The following PAMR1 variants were observed in gnomAD, a reference collection of about 807,000 sequenced individuals.
The protein encoded by PAMR1 is inactive serine protease PAMR1.
A neutral mutation model predicts 81.8 loss-of-function variants in PAMR1; 88 were observed. The ratio of observed to expected loss-of-function variants is 1.08; its 90% confidence interval spans 0.91 to 1.28. The LOEUF (loss-of-function observed/expected upper bound fraction) is 1.28, where lower values mean the gene tolerates loss of function less well. Among genes scored for constraint, PAMR1 ranks in the 50% most tolerant of loss-of-function variants. PAMR1 has a pLI of 0.00. For missense variants in PAMR1, 935 were observed against 919.7 expected, an observed-to-expected ratio of 1.02 and a Z score of -0.21; for synonymous variants, 336 against 345.3, an observed-to-expected ratio of 0.97 and a Z score of 0.30.
At chr11:35,443,655 G>C (rs928738741) in intron 6 of PAMR1, among the ~76,000 whole-genome samples, 5 of 152,188 alleles carry the variant, frequency 3.3e-5, no homozygotes, top group Non-Finnish European at 5.9e-5. Context: ...ATTGTGACCA[G>C]TGATGCAATG....
At chr11:35,435,276 T>C (rs1856014408) in intron 9 of PAMR1, among the ~76,000 whole-genome samples, 1 of 152,216 alleles carries the variant, frequency 6.6e-6, no homozygotes, top group Admixed American at 6.5e-5. Context: ...GCTTAGTAAA[T>C]GCAGGCCCCT....
chr11:35,496,679 G>T (rs1177379749), intron 1 of PAMR1, among the ~76,000 whole-genome samples: 3 of 152,208 alleles, frequency 2.0e-5, no homozygotes, highest in Non-Finnish European at 2.9e-5. Flanking sequence ...GTGAAATGGT[G>T]CAGCCCCTAT....
intron 8 of PAMR1, among the ~76,000 whole-genome samples, chr11:35,436,684 A>G (rs1856055035): frequency 6.6e-6 from 1 of 151,814 alleles, no homozygotes; most frequent in Non-Finnish European, 1.5e-5. Flanking sequence ...ACACACACAC[A>G]CACACACTTT....
chr11:35,468,617 C>G (rs1856798228), intron 5 of PAMR1, among the ~76,000 whole-genome samples: 1 of 152,222 alleles, frequency 6.6e-6, no homozygotes, highest in Non-Finnish European at 1.5e-5. Context: ...ATGTGTTTTA[C>G]TAAGGGTTCT....
intron 1 of PAMR1, among the ~76,000 whole-genome samples, chr11:35,506,271 A>G (rs1380175876): frequency 6.6e-6 from 1 of 151,932 alleles, no homozygotes; most frequent in African/African-American, 2.4e-5. Flanking sequence ...CTTTTGACAG[A>G]TTTGTCTTTT....
Position 35,513,771 on chromosome 11 carries a change from TAA to T in PAMR1, c.73+11740_73+11741del. Among the ~76,000 whole-genome samples the T allele has an allele frequency of 1.3e-5, 2 of 152,324 alleles. 1 individual carries two copies. The highest frequency in any genetic ancestry group is 4.1e-4 in the South Asian group (2 of 4,822). On this transcript the variant is annotated intron_variant, in intron 1 of 10. Coordinates refer to ENST00000619888, the MANE Select transcript of PAMR1 (RefSeq NM_001001991.3). ...ATTGAAACTACCTGGGATGCTTGCTTAAAAGTCTTATTCCTGGACCACAGTCC... is the reference window on the plus strand; with the variant it reads ...ATTGAAACTACCTGGGATGCTTGCTTAAGTCTTATTCCTGGACCACAGTCC...
chr11:35,497,935 T>A (rs920779207), intron 1 of PAMR1, among the ~76,000 whole-genome samples: 1 of 152,078 alleles, frequency 6.6e-6, no homozygotes, highest in African/African-American at 2.4e-5. Context: ...AGGGAAGCCA[T>A]CCAGTTAGAA....
chr11:35,518,309 T>G lies in PAMR1; in HGVS notation c.73+7204A>C, dbSNP rs540466541. Among the ~76,000 whole-genome samples, 26 of 152,084 alleles carry G rather than the reference T, an allele frequency of 1.7e-4. No individual in the cohort carries two copies. In the South Asian group the frequency reaches 5.2e-3, roughly 30 times the overall value. ...AGGTAGAAGCTAAGCCCAGGCAACTTGTCTTAGGACATTTCAGGTGTTCTC... is the reference window on the plus strand; with the variant it reads ...AGGTAGAAGCTAAGCCCAGGCAACTGGTCTTAGGACATTTCAGGTGTTCTC... On this transcript the variant is annotated intron_variant, in intron 1 of 10. Transcript: ENST00000619888.
chr11:35,508,820 T>C (rs1851023711), intron 1 of PAMR1, among the ~76,000 whole-genome samples: 1 of 152,128 alleles, frequency 6.6e-6, no homozygotes. Context: ...TCTGTTCTTG[T>C]GTTAGTTGAC....
chr11:35,475,880 A>G lies in PAMR1; in HGVS notation c.380-1136T>C, dbSNP rs114673319. Among the ~76,000 whole-genome samples the G allele has an allele frequency of 4.9e-3, 754 of 152,332 alleles. 6 individuals carry two copies. Among genetic ancestry groups the G allele is most frequent in the African/African-American group, 0.017 (723 of 41,566 alleles). ...TTACTATCCGGCTATTCACATAAAA[A>G]GTTTACCTTCCCTATTTCTATACAG... On this transcript the variant is annotated intron_variant, in intron 3 of 10. Coordinates refer to ENST00000619888, the MANE Select transcript of PAMR1 (RefSeq NM_001001991.3).
intron 6 of PAMR1, among the ~76,000 whole-genome samples, chr11:35,448,479 C>T (rs1412566220): frequency 6.6e-6 from 1 of 152,140 alleles, no homozygotes; most frequent in Non-Finnish European, 1.5e-5. Context: ...CTGTGTTTTT[C>T]AGCTCCATCA....
intron 6 of PAMR1, among the ~76,000 whole-genome samples, chr11:35,456,976 T>C (rs1027917235): frequency 1.3e-5 from 2 of 152,200 alleles, no homozygotes; most frequent in Non-Finnish European, 2.9e-5. Flanking sequence ...CTTCAGATAA[T>C]GCAACCCTAA....
chr11:35,462,761 A>G (rs1856683170), intron 6 of PAMR1, among the ~76,000 whole-genome samples: 1 of 152,204 alleles, frequency 6.6e-6, no homozygotes, highest in Admixed American at 6.5e-5. Context: ...AAATGGGGAA[A>G]GTGAGGCTCA....
chr11:35,521,757 A>C (rs927836768), intron 1 of PAMR1, among the ~76,000 whole-genome samples: 12 of 152,154 alleles, frequency 7.9e-5, no homozygotes, highest in African/African-American at 2.9e-4. Flanking sequence ...TGGATGTGTG[A>C]ATATATGTCC....
chr11:35,519,360 C>T (rs939955582), intron 1 of PAMR1, among the ~76,000 whole-genome samples: 2 of 152,192 alleles, frequency 1.3e-5, no homozygotes, highest in Non-Finnish European at 2.9e-5. Flanking sequence ...GTCTGCTCCT[C>T]CCATCCCATG....
At chr11:35,446,721 C>G (rs956834625) in intron 6 of PAMR1, among the ~76,000 whole-genome samples, 2 of 152,150 alleles carry the variant, frequency 1.3e-5, no homozygotes, top group East Asian at 3.9e-4. Flanking sequence ...TATTTCAGTC[C>G]TTTTGCATTT....
chr11:35,458,648 G>A (rs985767069), intron 6 of PAMR1, among the ~76,000 whole-genome samples: 1 of 152,174 alleles, frequency 6.6e-6, no homozygotes, highest in African/African-American at 2.4e-5. Flanking sequence ...GCCAGGGATG[G>A]AGAGATGTTT....
chr11:35,518,962 A>T (rs1236149349), intron 1 of PAMR1, among the ~76,000 whole-genome samples: 1 of 152,156 alleles, frequency 6.6e-6, no homozygotes, highest in Non-Finnish European at 1.5e-5. Flanking sequence ...CATCAAGTCA[A>T]CTGACCAGAC....
intron 1 of PAMR1, among the ~76,000 whole-genome samples, chr11:35,521,773 G>A (rs1305111573): frequency 6.6e-6 from 1 of 152,172 alleles, no homozygotes; most frequent in African/African-American, 2.4e-5. Flanking sequence ...TGTCCTCCAG[G>A]TAACGGAGGA....
Sources: gnomAD v4.1 joint callset for allele counts (sites outside exome capture counted in the v4.1 genomes callset) on GRCh38, gnomAD v4.1.1 for gene constraint, MANE v1.5 for transcripts, NCBI Gene and HGNC (gene_info 2026-07-23, HGNC 2026-07-21) for gene names.